The following SKAP2 variants were observed in gnomAD, a reference collection of about 807,000 sequenced individuals.
The protein encoded by SKAP2 is src kinase associated phosphoprotein 2, also known as src kinase-associated phosphoprotein 2.
A neutral mutation model predicts 54.9 loss-of-function variants in SKAP2; 28 were observed. That is an observed-to-expected ratio of 0.51 (90% CI 0.38 to 0.70). The LOEUF is 0.70. Among genes scored for constraint, SKAP2 ranks in the 30% least tolerant of loss-of-function variants. SKAP2 has a pLI of 0.00. For synonymous variants in SKAP2, 137 were observed against 134.3 expected (o/e 1.02, Z -0.14); for missense variants, 356 against 424.1 (o/e 0.84, Z 1.41).
chr7:26,672,932 C>G (rs1172764169), intron 11 of SKAP2, among the ~76,000 whole-genome samples: 1 of 151,928 alleles, frequency 6.6e-6, no homozygotes, highest in African/African-American at 2.4e-5. Context: ...GAAAATCTGC[C>G]TGTCTATGCC....
rs879515382 is a variant in SKAP2, at chr7:26,801,279, T to C, written c.307+42751A>G. ...ACCATATGATCATTTCAACTGATGC[T>C]GAAAAGGCATTTGATAAAATTCAAC... On this transcript the variant is annotated intron_variant, in intron 4 of 12. Coordinates refer to ENST00000345317, the MANE Select transcript of SKAP2 (RefSeq NM_003930.5). 2.8e-4 allele frequency among the ~76,000 whole-genome samples: 43 copies of C among 152,180 alleles called. 1 individual carries two copies. The highest frequency in any genetic ancestry group is 1.0e-4 in the Non-Finnish European group (7 of 68,030).
chr7:26,858,477 AAAATT>A (rs1254352093), intron 1 of SKAP2, among the ~76,000 whole-genome samples: 2 of 152,230 alleles, frequency 1.3e-5, no homozygotes, highest in Non-Finnish European at 2.9e-5. Context: ...GTCTGAAAAC[AAAATT>A]AAAAGTTGAC....
At chr7:26,827,955 A>C (rs1784524452) in intron 4 of SKAP2, among the ~76,000 whole-genome samples, 2 of 152,206 alleles carry the variant, frequency 1.3e-5, no homozygotes, top group Admixed American at 1.3e-4. Flanking sequence ...CAGGGAAAAA[A>C]TAAATAAATA....
chr7:26,762,256 G>A (rs1307913069), intron 4 of SKAP2, among the ~76,000 whole-genome samples: 4 of 151,960 alleles, frequency 2.6e-5, no homozygotes, highest in Admixed American at 6.6e-5. Flanking sequence ...GTGACAGAGT[G>A]AGACCCTGTC....
intron 4 of SKAP2, among the ~76,000 whole-genome samples, chr7:26,789,208 T>C (rs923948172): frequency 1.3e-5 from 2 of 152,240 alleles, no homozygotes; most frequent in Non-Finnish European, 2.9e-5. Flanking sequence ...AATTTACGTA[T>C]CTAAAAATTT....
At chr7:26,776,530 A>C (rs143307864) in intron 4 of SKAP2, among the ~76,000 whole-genome samples, 2,401 of 152,040 alleles carry the variant, frequency 0.016, 62 homozygotes, top group African/African-American at 0.054. Context: ...TCATCTCAAA[A>C]CTTCAGACTC....
intron 4 of SKAP2, among the ~76,000 whole-genome samples, chr7:26,763,322 T>A (rs1353299004): frequency 6.6e-6 from 1 of 152,086 alleles, no homozygotes; most frequent in Non-Finnish European, 1.5e-5. Flanking sequence ...ACATAAAAGA[T>A]ACAAAGTCTG....
intron 4 of SKAP2, among the ~76,000 whole-genome samples, chr7:26,751,460 C>T (rs958752460): frequency 2.0e-5 from 3 of 152,118 alleles, no homozygotes. Flanking sequence ...CCCAAACATT[C>T]TTAATGCTTT....
chr7:26,864,540 C>G lies in SKAP2; in HGVS notation c.-111G>C, dbSNP rs1785335707. On this transcript the variant is annotated 5_prime_UTR_variant, in exon 1 of 13. Coordinates refer to ENST00000345317, the MANE Select transcript of SKAP2 (RefSeq NM_003930.5). ...GGCTAGCGGCCCGGATTAAGAACAG[C>G]GGGGCTACGAGTCGGGACACTGCCG... 1 of 1,464,344 alleles carries G rather than the reference C, an allele frequency of 6.8e-7. No homozygotes were observed. Among genetic ancestry groups the G allele is most frequent in the African/African-American group, 1.4e-5 (1 of 69,194 alleles). 90.7% of individuals were successfully genotyped at this position (1,464,344 alleles called of 1,614,324 possible).
intron 4 of SKAP2, among the ~76,000 whole-genome samples, chr7:26,802,439 T>C (rs1479709435): frequency 6.6e-6 from 1 of 151,960 alleles, no homozygotes; most frequent in Non-Finnish European, 1.5e-5. Flanking sequence ...GCCTGGCTAA[T>C]TTTATATTTT....
chr7:26,784,479 C>G (rs545159837), intron 4 of SKAP2, among the ~76,000 whole-genome samples: 1 of 152,348 alleles, frequency 6.6e-6, no homozygotes, highest in Non-Finnish European at 1.5e-5. Flanking sequence ...CAGAATATCA[C>G]TGCTTCTCAT....
chr7:26,808,142 A>G (rs1425268573), intron 4 of SKAP2, among the ~76,000 whole-genome samples: 2 of 152,226 alleles, frequency 1.3e-5, no homozygotes, highest in Non-Finnish European at 2.9e-5. Flanking sequence ...AATAATTAAT[A>G]CATCTGTATA....
At chr7:26,791,126 G>C (rs1783666450) in intron 4 of SKAP2, among the ~76,000 whole-genome samples, 1 of 152,128 alleles carries the variant, frequency 6.6e-6, no homozygotes. Context: ...GAGGTGAGGA[G>C]ACATGTGTTG....
At chr7:26,764,391 C>T (rs183870607) in intron 4 of SKAP2, among the ~76,000 whole-genome samples, 4 of 152,186 alleles carry the variant, frequency 2.6e-5, no homozygotes, top group African/African-American at 7.2e-5. Context: ...ACTTCGTGTG[C>T]GTTCCTAGAC....
intron 6 of SKAP2, among the ~76,000 whole-genome samples, chr7:26,734,639 A>G (rs1223142439): frequency 6.6e-6 from 1 of 152,206 alleles, no homozygotes; most frequent in African/African-American, 2.4e-5. Flanking sequence ...AGGCACCAGC[A>G]GGGTCAGTGC....
intron 1 of SKAP2, among the ~76,000 whole-genome samples, chr7:26,859,754 T>C (rs1785242822): frequency 6.6e-6 from 1 of 152,184 alleles, no homozygotes; most frequent in Non-Finnish European, 1.5e-5. Context: ...GAAGCCACAG[T>C]GAATAACACA....
chr7:26,708,030 C>CA (rs781012311), intron 9 of SKAP2, among the ~76,000 whole-genome samples: 4 of 152,148 alleles, frequency 2.6e-5, no homozygotes, highest in Non-Finnish European at 1.5e-5. Context: ...GATAAGCTCA[C>CA]AATACATGGA....
At chr7:26,804,473 G>A (rs1207957085) in intron 4 of SKAP2, among the ~76,000 whole-genome samples, 3 of 152,120 alleles carry the variant, frequency 2.0e-5, no homozygotes, top group African/African-American at 7.2e-5. Context: ...GGGCCTGGTG[G>A]TTCAGGCCCG....
rs1787189896 is a variant in SKAP2 at position 26,707,471 on chromosome 7, T to C, written c.797-17109A>G. Among the ~76,000 whole-genome samples, 3 of 152,280 alleles carry C rather than the reference T, an allele frequency of 2.0e-5. 1 individual carries two copies. In the South Asian group the frequency reaches 6.2e-4, roughly 32 times the overall value. On this transcript the variant is annotated intron_variant, in intron 9 of 12. Coordinates refer to ENST00000345317, the MANE Select transcript of SKAP2 (RefSeq NM_003930.5). ...CTTGCCTATAGCACATACACAAAAT[T>C]TTGTTTGACTTGAAATAAAGTTTCT...
Sources: allele counts gnomAD v4.1 joint callset (sites outside exome capture counted in the v4.1 genomes callset), GRCh38; gene constraint gnomAD v4.1.1; transcripts MANE v1.5; gene names NCBI Gene and HGNC (gene_info 2026-07-23, HGNC 2026-07-21).